PZP: variants seen among roughly 807,000 people sequenced by gnomAD.
PZP encodes the protein pregnancy zone protein.
Under a neutral mutation model 179.8 loss-of-function variants are expected in PZP, and 150 were observed. That is an observed-to-expected ratio of 0.83 (90% CI 0.73 to 0.96). PZP has a LOEUF of 0.96. Ranked by LOEUF, PZP falls within the 40% of genes least tolerant of loss-of-function variation. The pLI is 0.00. For synonymous variants in PZP, 624 were observed against 652.3 expected, an observed-to-expected ratio of 0.96 and a Z score of 0.66; for missense variants, 1,689 against 1,764.0, an observed-to-expected ratio of 0.96 and a Z score of 0.76.
intron 15 of PZP, among the ~76,000 whole-genome samples, chr12:9,179,408 T>C (rs1318706570): frequency 2.0e-5 from 3 of 152,128 alleles, no homozygotes; most frequent in Non-Finnish European, 4.4e-5. Flanking sequence ...ATAATAATAA[T>C]AAAATAAATA....
intron 11 of PZP, 121 bp downstream of exon 11, chr12:9,193,956 A>G (rs926556961): frequency 1.0e-6 from 1 of 998,122 alleles, no homozygotes. Flanking sequence ...TCAAATTTGT[A>G]AACTCAAAGT....
At chr12:9,202,276 C>G (rs930548368) in intron 4 of PZP, 43 bp downstream of exon 4, 5 of 1,512,884 alleles carry the variant, frequency 3.3e-6, no homozygotes, top group Non-Finnish European at 4.6e-6. Flanking sequence ...GGTGAGTATT[C>G]CCACTCTACC....
chr12:9,151,653 A>T lies in PZP; in HGVS notation c.4232T>A (p.Val1411Glu). The T allele has an allele frequency of 6.2e-7, 1 of 1,613,878 alleles. No homozygotes were observed. The highest frequency in any genetic ancestry group is 8.5e-7 in the Non-Finnish European group (1 of 1,179,844). ...GTTGTTGCTCACTTCTGTCCGGCTC[A>T]CAGAGCTAGATCTTTCAAGCTGGAG... ...TVKMLERSSS[V>E]SRTEVSNNHV... Residue 1411 changes from valine (V) to glutamate (E), a missense_variant, in exon 33 of 36, where the codon GTG (valine) becomes GAG (glutamate). By Grantham distance (121) the Val-to-Glu change is moderately radical. This residue lies in a region of PZP where 746 missense variants were observed against 749.2 expected (regional missense o/e 1.00). Coordinates refer to ENST00000261336, the MANE Select transcript of PZP (RefSeq NM_002864.3).
chr12:9,186,757 A>G (rs1943144908), intron 13 of PZP, among the ~76,000 whole-genome samples: 1 of 151,412 alleles, frequency 6.6e-6, no homozygotes, highest in East Asian at 1.9e-4. Flanking sequence ...AAGAACAGAA[A>G]ACCAAACACC....
chr12:9,186,275 G>A (rs896588833), intron 13 of PZP, among the ~76,000 whole-genome samples: 1 of 152,126 alleles, frequency 6.6e-6, no homozygotes, highest in Non-Finnish European at 1.5e-5. Context: ...AATATAAAAA[G>A]GAAAGAATAT....
chr12:9,202,305 T>C lies in PZP; in HGVS notation c.480+14A>G. 1 of 1,607,312 alleles carries C rather than the reference T, an allele frequency of 6.2e-7. No homozygotes were observed. The highest frequency in any genetic ancestry group is 2.2e-5 in the East Asian group (1 of 44,852). On this transcript the variant is annotated intron_variant, in intron 4 of 35. Transcript: ENST00000261336. ...CTCTACCCACAACCCAAACCACAGA[T>C]AGTGGATGCTTACCAGTTCATTTCG...
intron 25 of PZP, 40 bp downstream of exon 25, chr12:9,159,898 G>T: frequency 6.5e-7 from 1 of 1,527,824 alleles, no homozygotes; most frequent in South Asian, 1.1e-5. Flanking sequence ...TGCACGTTCT[G>T]AACTCATAGT....
intron 1 of PZP, among the ~76,000 whole-genome samples, chr12:9,205,744 C>CT (rs1430541908): frequency 6.6e-6 from 1 of 152,116 alleles, no homozygotes; most frequent in East Asian, 1.9e-4. Flanking sequence ...AACATAAACT[C>CT]TTACTTTTTA....
intron 17 of PZP, among the ~76,000 whole-genome samples, chr12:9,168,088 TAAAC>T (rs1941718216): frequency 6.6e-6 from 1 of 152,220 alleles, no homozygotes; most frequent in Non-Finnish European, 1.5e-5. Flanking sequence ...AAATGCTATT[TAAAC>T]AATCAAAGTT....
rs933544976 is a variant in PZP at position 9,169,364 on chromosome 12, A to C, written c.2001+66T>G. ...ACATAATTACTAAGATTATGAATAG[A>C]TACAGAGTTTTATTAACATTCAAAA... On this transcript the variant is annotated intron_variant, in intron 16 of 35. Coordinates refer to ENST00000261336, the MANE Select transcript of PZP (RefSeq NM_002864.3). 3 of 1,392,220 alleles carry C rather than the reference A, an allele frequency of 2.2e-6. No individual in the cohort carries two copies. The African/African-American group carries it at 4.4e-5, about 20-fold the overall frequency. The allele number at this position is 1,392,220 out of a possible 1,614,324, so 86.2% of individuals were successfully genotyped here.
chr12:9,201,110 C>T, intron 5 of PZP, 50 bp from the exon 6 acceptor site: 2 of 1,593,270 alleles, frequency 1.3e-6, no homozygotes, highest in Non-Finnish European at 1.7e-6. Flanking sequence ...CACAATAGTC[C>T]TTGAGCAACT....
At chr12:9,171,204 G>A (rs1376429670) in intron 15 of PZP, among the ~76,000 whole-genome samples, 1 of 152,106 alleles carries the variant, frequency 6.6e-6, no homozygotes, top group African/African-American at 2.4e-5. Flanking sequence ...CCACGTACGG[G>A]AGAAACCAAA....
intron 7 of PZP, among the ~76,000 whole-genome samples, chr12:9,197,914 A>T (rs1365755879): frequency 1.6e-5 from 2 of 127,814 alleles, no homozygotes; most frequent in African/African-American, 3.0e-5. Flanking sequence ...TATTTATATT[A>T]TATATTATAT....
At chr12:9,157,961 C>T (rs1940883429) in intron 26 of PZP, 120 bp from the exon 27 acceptor site, 3 of 832,970 alleles carry the variant, frequency 3.6e-6, no homozygotes, top group Non-Finnish European at 5.8e-6. Context: ...ATTTCCTTCT[C>T]TCTCTCTCTC....
downstream of PZP, among the ~76,000 whole-genome samples, chr12:9,145,283 G>GT (rs990035715): frequency 4.0e-5 from 6 of 151,724 alleles, no homozygotes; most frequent in African/African-American, 1.2e-4. Flanking sequence ...GTGTTTTATT[G>GT]TTTTTTTGTG....
chr12:9,161,760 T>G (rs1808119710), intron 22 of PZP, among the ~76,000 whole-genome samples: 2 of 152,212 alleles, frequency 1.3e-5, no homozygotes, highest in Non-Finnish European at 2.9e-5. Flanking sequence ...GAACTAATAA[T>G]GTGGCGGTTC....
Position 9,168,991 on chromosome 12 carries a change from G to T in PZP, c.2002-17C>A. 1.9e-6 allele frequency: 3 copies of T among 1,554,908 alleles called. No individual in the cohort carries two copies. Among genetic ancestry groups the T allele is most frequent in the Non-Finnish European group, 2.7e-6 (3 of 1,126,512 alleles). ...TCCCATCCCCTGGAAAAAAATAATT[G>T]TTCAATCTACTTGTAAGCTTGATTA... is the stretch of plus-strand genomic sequence containing the variant. On this transcript the variant is annotated splice_polypyrimidine_tract_variant and intron_variant, in intron 16 of 35. Transcript: ENST00000261336.
chr12:9,163,669 T>G lies in PZP; in HGVS notation c.2735A>C (p.Glu912Ala). 6.2e-7 allele frequency: 1 copy of G among 1,612,948 alleles called. No homozygotes were observed. Among genetic ancestry groups the G allele is most frequent in the Non-Finnish European group, 8.5e-7 (1 of 1,179,446 alleles). Residue 912 changes from glutamate to alanine, a missense_variant and splice_region_variant, in exon 21 of 36, where the codon GAG (glutamate) becomes GCG (alanine). Around this residue, in one of 3 missense-constraint regions of PZP, gnomAD observed 746 missense variants for 749.2 expected, o/e 1.00. Transcript: ENST00000261336. ...KDTVIKTLLVEAEGIEQEKTF... is the reference protein window; with the variant it reads ...KDTVIKTLLVAAEGIEQEKTF... Reference sequence around the variant, plus strand: ...TAGGGACTCCCAAAAATATGTTACCTCCACCAACAGGGTTTTGATGACTGT... The same window carrying G: ...TAGGGACTCCCAAAAATATGTTACCGCCACCAACAGGGTTTTGATGACTGT...
chr12:9,169,487 A>G lies in PZP; in HGVS notation c.1944T>C (p.Asn648=), dbSNP rs760540228. The change falls in exon 16 of 36, where the codon AAT becomes AAC. Residue 648 remains asparagine, a synonymous_variant. Coordinates refer to ENST00000261336, the MANE Select transcript of PZP (RefSeq NM_002864.3). ...GHCPRPFFIH[N]GAIYVPLSSN... ...TTGATAAGGGAACATAGATGGCTCCATTATGAATGAAGAAAGGACGGGGAC... is the reference window on the plus strand; with the variant it reads ...TTGATAAGGGAACATAGATGGCTCCGTTATGAATGAAGAAAGGACGGGGAC... The G allele has an allele frequency of 6.2e-7, 1 of 1,612,772 alleles. No homozygotes were observed. The highest frequency in any genetic ancestry group is 2.2e-5 in the East Asian group (1 of 44,834).
Sources: allele counts gnomAD v4.1 joint callset (sites outside exome capture counted in the v4.1 genomes callset), GRCh38; gene constraint gnomAD v4.1.1; regional missense constraint gnomAD v4.1.1; transcripts MANE v1.5; gene names NCBI Gene and HGNC (gene_info 2026-07-23, HGNC 2026-07-21).